Variants in ANK3 observed in about 807,000 individuals in gnomAD.
ANK3 encodes the protein ankyrin-3.
A neutral mutation model predicts 370.9 loss-of-function variants in ANK3; 57 were observed. That is an observed-to-expected ratio of 0.15 (90% CI 0.12 to 0.19). The LOEUF (loss-of-function observed/expected upper bound fraction) is 0.19. Ranked by LOEUF, ANK3 falls within the 10% of genes least tolerant of loss-of-function variation. The pLI, the probability that ANK3 is intolerant of heterozygous loss-of-function variation, is 1.00. For missense variants in ANK3, 4,439 were observed against 5,302.1 expected, an observed-to-expected ratio of 0.84 and a Z score of 5.06; for synonymous variants, 1,929 against 1,946.3, an observed-to-expected ratio of 0.99 and a Z score of 0.23.
intron 8 of ANK3, among the ~76,000 whole-genome samples, chr10:60,226,510 C>CTATATATATAAT (rs1261231957): frequency 3.9e-5 from 2 of 51,662 alleles, no homozygotes; most frequent in Non-Finnish European, 6.4e-5. Flanking sequence ...AGTATATATA[C>CTATATATATAAT]ATAGTATATA....
intron 2 of ANK3, among the ~76,000 whole-genome samples, chr10:60,576,644 G>A (rs186170066): frequency 1.3e-5 from 2 of 152,332 alleles, no homozygotes; most frequent in East Asian, 1.9e-4. Context: ...TACACTGCTA[G>A]TTGGCAAGTT....
At chr10:60,258,407 A>T (rs1212236513) in intron 7 of ANK3, among the ~76,000 whole-genome samples, 2 of 152,244 alleles carry the variant, frequency 1.3e-5, no homozygotes, top group East Asian at 3.9e-4. Flanking sequence ...CAATGCAAAC[A>T]TCATAATAAA....
rs1031286035 is a variant in ANK3, at chr10:60,523,527, T to A, written c.96+91659A>T. Among the ~76,000 whole-genome samples the A allele has an allele frequency of 3.3e-5, 5 of 151,922 alleles. No homozygotes were observed. The East Asian group carries it at 9.7e-4, about 30-fold the overall frequency. On this transcript the variant is annotated intron_variant, in intron 2 of 43. Coordinates refer to the ANK3 transcript ENST00000373827. ...TGTCCTTGCGATAGTTTGCTGAGAA[T>A]GATGATTTCCAGTTTCATCCATGTC...
chr10:60,665,731 C>T (rs1257678199), intron 1 of ANK3, among the ~76,000 whole-genome samples: 3 of 152,264 alleles, frequency 2.0e-5, no homozygotes, highest in African/African-American at 7.2e-5. Context: ...TTTCTGCCAA[C>T]CTAGTATCAC....
intron 1 of ANK3, among the ~76,000 whole-genome samples, chr10:60,368,442 G>T (rs1418306460): frequency 1.3e-5 from 2 of 152,056 alleles, no homozygotes; most frequent in African/African-American, 2.4e-5. Context: ...CTCAGTGCGG[G>T]GGGTGTACTG....
chr10:60,063,712 C>G (rs927129431), intron 39 of ANK3, among the ~76,000 whole-genome samples: 1 of 152,166 alleles, frequency 6.6e-6, no homozygotes, highest in Non-Finnish European at 1.5e-5. Flanking sequence ...CACCAGCCAA[C>G]AAAACCAAAC....
chr10:60,685,089 C>T, intron 1 of ANK3: 1 of 1,145,034 alleles, frequency 8.7e-7, no homozygotes, highest in Non-Finnish European at 1.3e-6. Flanking sequence ...ATATCAATAC[C>T]TATTATATCT....
At chr10:60,125,331 C>G (rs997493846) in intron 25 of ANK3, among the ~76,000 whole-genome samples, 1 of 152,156 alleles carries the variant, frequency 6.6e-6, no homozygotes, top group Non-Finnish European at 1.5e-5. Context: ...AGAGTGGAAG[C>G]TGAGCGTGTC....
intron 1 of ANK3, among the ~76,000 whole-genome samples, chr10:60,626,274 C>T (rs889398578): frequency 6.6e-5 from 10 of 152,100 alleles, no homozygotes; most frequent in African/African-American, 2.4e-4. Context: ...TGCAATATCA[C>T]AGTTTTAAGA....
At chr10:60,634,118 A>G (rs2078520580) in intron 1 of ANK3, among the ~76,000 whole-genome samples, 1 of 152,210 alleles carries the variant, frequency 6.6e-6, no homozygotes, top group Non-Finnish European at 1.5e-5. Flanking sequence ...AATTCTGTAT[A>G]ATGGGATATA....
intron 2 of ANK3, among the ~76,000 whole-genome samples, chr10:60,567,481 A>C (rs1249087466): frequency 2.0e-5 from 3 of 152,144 alleles, no homozygotes; most frequent in African/African-American, 7.2e-5. Context: ...TCTTTTTAAA[A>C]TATTACTGCT....
intron 1 of ANK3, among the ~76,000 whole-genome samples, chr10:60,672,982 G>A (rs1174094934): frequency 5.3e-5 from 8 of 151,250 alleles, no homozygotes; most frequent in African/African-American, 9.7e-5. Flanking sequence ...CACTGTTTAA[G>A]AGAAGAAAAC....
At chr10:60,461,413 T>C (rs1378188628) in intron 2 of ANK3, among the ~76,000 whole-genome samples, 1 of 152,172 alleles carries the variant, frequency 6.6e-6, no homozygotes, top group African/African-American at 2.4e-5. Context: ...CAAAATGATA[T>C]TTTCAGTGCA....
chr10:60,071,200 T>C lies in ANK3; in HGVS notation c.9681A>G (p.Ala3227=). 1 of 1,614,170 alleles carries C rather than the reference T, an allele frequency of 6.2e-7. No homozygotes were observed. Among genetic ancestry groups the C allele is most frequent in the South Asian group, 1.1e-5 (1 of 91,086 alleles). Residue 3227 remains alanine, a synonymous_variant, in exon 37 of 44, where the codon GCA becomes GCG. Coordinates refer to ENST00000280772, the MANE Select transcript of ANK3 (RefSeq NM_020987.5). ...SLKQTTVEET[A]VEREMPNDVS... ...CGTCATTAGGCATTTCACGCTCAAC[T>C]GCTGTTTCCTCCACTGTAGTCTGCT...
At chr10:60,239,940 TA>T (rs2097400284) in intron 7 of ANK3, among the ~76,000 whole-genome samples, 1 of 151,126 alleles carries the variant, frequency 6.6e-6, no homozygotes, top group Non-Finnish European at 1.5e-5. Context: ...AAAAATAAGA[TA>T]AATTTTTATA....
chr10:60,059,704 A>G (rs749403750), intron 40 of ANK3: 15 of 1,611,592 alleles, frequency 9.3e-6, no homozygotes, highest in Non-Finnish European at 1.3e-5. Context: ...TCACTCAGAC[A>G]TACATTCTCC....
intron 27 of ANK3, among the ~76,000 whole-genome samples, chr10:60,107,496 G>T (rs1166309878): frequency 3.3e-5 from 5 of 152,194 alleles, no homozygotes; most frequent in Admixed American, 3.3e-4. Flanking sequence ...TCTTCATGCA[G>T]ACTGCCAAGG....
chr10:60,224,064 G>C (rs1392556738), intron 8 of ANK3, among the ~76,000 whole-genome samples: 1 of 151,966 alleles, frequency 6.6e-6, no homozygotes, highest in Non-Finnish European at 1.5e-5. Flanking sequence ...CAACTGCATA[G>C]AATAGTGTTG....
intron 8 of ANK3, among the ~76,000 whole-genome samples, chr10:60,234,023 T>C (rs1433015645): frequency 6.6e-6 from 1 of 152,232 alleles, no homozygotes; most frequent in Non-Finnish European, 1.5e-5. Context: ...ACTGGTATAT[T>C]TCACCTCAGC....
Sources: gnomAD v4.1 joint callset for allele counts (sites outside exome capture counted in the v4.1 genomes callset) on GRCh38, gnomAD v4.1.1 for gene constraint, MANE v1.5 for transcripts, NCBI Gene and HGNC (gene_info 2026-07-23, HGNC 2026-07-21) for gene names.